Variants in CSMD3 observed in about 807,000 individuals in gnomAD.
CSMD3 encodes the protein CUB and Sushi multiple domains 3.
Under a neutral mutation model 435.2 loss-of-function variants are expected in CSMD3, and 177 were observed. The ratio of observed to expected loss-of-function variants is 0.41; its 90% CI spans 0.36 to 0.46. The LOEUF (loss-of-function observed/expected upper bound fraction) is 0.46. Ranked by LOEUF, CSMD3 falls within the 20% of genes least tolerant of loss-of-function variation. The probability of loss-of-function intolerance (pLI) is 0.34; values close to 1 mark genes in which losing one functional copy is unlikely to be tolerated. For synonymous variants in CSMD3, 1,656 were observed against 1,520.5 expected, an observed-to-expected ratio of 1.09 and a Z score of -2.07; for missense variants, 4,265 against 4,504.6, an observed-to-expected ratio of 0.95 and a Z score of 1.52.
At chr8:113,155,006 G>A (rs942675890) in intron 4 of CSMD3, among the ~76,000 whole-genome samples, 9 of 151,772 alleles carry the variant, frequency 5.9e-5, no homozygotes, top group African/African-American at 1.9e-4. Flanking sequence ...GCTACTTTGG[G>A]GACTGGCAGT....
intron 61 of CSMD3, 64 bp from the exon 62 acceptor site, chr8:112,255,491 A>C (rs1384804779): frequency 7.3e-7 from 1 of 1,363,838 alleles, no homozygotes; most frequent in African/African-American, 1.4e-5. Flanking sequence ...CACAGTTTGG[A>C]AAAATGGTGA....
intron 24 of CSMD3, 27 bp downstream of exon 24, chr8:112,573,474 G>C (rs1374445053): frequency 1.3e-6 from 2 of 1,585,266 alleles, no homozygotes; most frequent in Non-Finnish European, 1.7e-6. Flanking sequence ...CCAGTGTTTG[G>C]CCATTTTACT....
At chr8:113,338,852 T>C (rs1399411605) in intron 1 of CSMD3, among the ~76,000 whole-genome samples, 1 of 152,002 alleles carries the variant, frequency 6.6e-6, no homozygotes, top group African/African-American at 2.4e-5. Context: ...TTGGACCTGG[T>C]TGCATTTCTC....
At chr8:112,482,731 T>C (rs1819751253) in intron 31 of CSMD3, among the ~76,000 whole-genome samples, 1 of 152,206 alleles carries the variant, frequency 6.6e-6, no homozygotes, top group Admixed American at 6.5e-5. Flanking sequence ...AACTAATATA[T>C]TAGTTTAAAA....
At chr8:113,126,851 C>G (rs555999512) in intron 4 of CSMD3, among the ~76,000 whole-genome samples, 2 of 152,058 alleles carry the variant, frequency 1.3e-5, no homozygotes, top group Admixed American at 6.6e-5. Flanking sequence ...GCAATTAACA[C>G]AGGAAGCTCT....
chr8:113,027,686 G>A (rs1233030166), intron 5 of CSMD3, among the ~76,000 whole-genome samples: 1 of 152,028 alleles, frequency 6.6e-6, no homozygotes. Context: ...GAGATAATTG[G>A]CTATAGTAAG....
At chr8:112,910,514 A>T (rs967283239) in intron 10 of CSMD3, among the ~76,000 whole-genome samples, 1 of 151,684 alleles carries the variant, frequency 6.6e-6, no homozygotes, top group Admixed American at 6.6e-5. Context: ...ACCTCAAGGG[A>T]GAGTATGTGT....
rs952742404 is a variant in CSMD3, at chr8:113,116,356, T to C, written c.710-17393A>G. Among the ~76,000 whole-genome samples, 11 of 152,174 alleles carry C rather than the reference T, an allele frequency of 7.2e-5. 1 individual carries two copies. Among genetic ancestry groups the C allele is most frequent in the Admixed American group, 7.2e-4 (11 of 15,264 alleles). On this transcript the variant is annotated intron_variant, in intron 4 of 70. Transcript: ENST00000297405. ...GTTTATGCCTTCGCTCGATTCTCAT[T>C]CTTCTCCTTTCTTCCGCCATGTGAA...
intron 32 of CSMD3, among the ~76,000 whole-genome samples, chr8:112,430,129 T>A (rs1213154997): frequency 6.6e-6 from 1 of 152,078 alleles, no homozygotes; most frequent in African/African-American, 2.4e-5. Flanking sequence ...ATCAAATACT[T>A]GTACGAGGAA....
intron 13 of CSMD3, among the ~76,000 whole-genome samples, chr8:112,744,630 T>G (rs2077387514): frequency 6.6e-6 from 1 of 152,020 alleles, no homozygotes; most frequent in South Asian, 2.1e-4. Flanking sequence ...TTTTCTATTT[T>G]TCTTTCTTAT....
Position 112,352,448 on chromosome 8 carries a change from ATAC to A in CSMD3, c.6220_6222del (p.Val2074del), listed in dbSNP as rs748794582. The A allele has an allele frequency of 6.2e-7, 1 of 1,613,668 alleles. No individual in the cohort carries two copies. Among genetic ancestry groups the A allele is most frequent in the Non-Finnish European group, 8.5e-7 (1 of 1,179,754 alleles). ...GAATATCCTTGATCACACTGAAAGG[ATAC>A]TACATCTCCAACCATATATCTGTCT... is the stretch of plus-strand genomic sequence containing the variant. On this transcript the variant is annotated inframe_deletion, in exon 39 of 71. Coordinates refer to ENST00000297405, the MANE Select transcript of CSMD3 (RefSeq NM_198123.2).
chr8:112,976,265 G>C (rs374093395), intron 6 of CSMD3, 117 bp from the exon 7 acceptor site: 2 of 1,201,176 alleles, frequency 1.7e-6, no homozygotes, highest in East Asian at 2.5e-5. Context: ...TCAACATGAA[G>C]AGGCAAAACA....
At chr8:113,431,588 A>G (rs1250995283) in intron 1 of CSMD3, among the ~76,000 whole-genome samples, 1 of 152,220 alleles carries the variant, frequency 6.6e-6, no homozygotes, top group African/African-American at 2.4e-5. Context: ...GAAGCCCCTG[A>G]TAAGTAAGTA....
At chr8:112,936,680 T>C (rs936343465) in intron 9 of CSMD3, among the ~76,000 whole-genome samples, 2 of 152,140 alleles carry the variant, frequency 1.3e-5, no homozygotes, top group Non-Finnish European at 2.9e-5. Flanking sequence ...CTGAAATTAC[T>C]CTTGGTATAC....
At position 113,284,193 on chromosome 8, in the gene CSMD3, G is replaced by A. The variant is rs544677763; in HGVS notation, c.402-5489C>T. Among the ~76,000 whole-genome samples, 6 of 152,020 alleles carry A rather than the reference G, an allele frequency of 3.9e-5. No individual in the cohort carries two copies. The East Asian group carries it at 5.8e-4, about 15-fold the overall frequency. ...CAAATCACCACTAAAGAACTTACTC[G>A]TGTAACCAAATACCACCTGTACCCC... On this transcript the variant is annotated intron_variant, in intron 2 of 70. Coordinates refer to ENST00000297405, the MANE Select transcript of CSMD3 (RefSeq NM_198123.2).
intron 10 of CSMD3, among the ~76,000 whole-genome samples, chr8:112,899,280 G>A (rs2082034865): frequency 6.7e-6 from 1 of 150,136 alleles, no homozygotes; most frequent in Non-Finnish European, 1.5e-5. Flanking sequence ...TAGTTAGTGG[G>A]GCAGAAAAAA....
chr8:112,745,641 A>C (rs535162667), intron 13 of CSMD3, among the ~76,000 whole-genome samples: 79 of 152,066 alleles, frequency 5.2e-4, no homozygotes, highest in Non-Finnish European at 1.0e-3. Flanking sequence ...TATTCATGCA[A>C]AAATTTACTA....
intron 10 of CSMD3, among the ~76,000 whole-genome samples, chr8:112,899,698 T>G (rs1201756411): frequency 7.0e-6 from 1 of 143,194 alleles, no homozygotes. Flanking sequence ...CACACGTATA[T>G]AGCCATCATA....
intron 11 of CSMD3, among the ~76,000 whole-genome samples, chr8:112,841,341 G>A (rs1006949144): frequency 1.3e-4 from 20 of 151,634 alleles, no homozygotes; most frequent in Non-Finnish European, 2.2e-4. Flanking sequence ...CCTTTATGAG[G>A]ACTACTCACT....
Sources: gnomAD v4.1 joint callset for allele counts (sites outside exome capture counted in the v4.1 genomes callset) on GRCh38, gnomAD v4.1.1 for gene constraint, MANE v1.5 for transcripts, NCBI Gene and HGNC (gene_info 2026-07-23, HGNC 2026-07-21) for gene names.